DPP10: variants seen among roughly 807,000 people sequenced by gnomAD.
The protein encoded by DPP10 is dipeptidyl peptidase like 10, also known as inactive dipeptidyl peptidase 10.
DPP10 carries 33 observed loss-of-function variants against 120.9 expected under a neutral mutation model. The ratio of observed to expected loss-of-function variants is 0.27; its 90% CI spans 0.21 to 0.37. DPP10 has a LOEUF of 0.37. Among genes scored for constraint, DPP10 ranks in the 10% least tolerant of loss-of-function variants. DPP10 has a pLI of 1.00. For synonymous variants in DPP10, 337 were observed against 326.1 expected, an observed-to-expected ratio of 1.03 and a Z score of -0.36; for missense variants, 816 against 942.8, an observed-to-expected ratio of 0.87 and a Z score of 1.76.
In DPP10 at chr2:115,659,895, T is replaced by G. The variant is rs1450828763; in HGVS notation, c.442-29792T>G. 3.9e-5 allele frequency among the ~76,000 whole-genome samples: 6 copies of G among 152,290 alleles called. No individual in the cohort carries two copies. The East Asian group carries it at 1.2e-3, about 29-fold the overall frequency. On this transcript the variant is annotated intron_variant, in intron 5 of 25. Transcript: ENST00000410059. Reference sequence around the variant, plus strand: ...AAAAGCCATGAGTCATTTTTAAAATTTATCTTTTTTTGTATGCCATCACTT... The same window carrying G: ...AAAAGCCATGAGTCATTTTTAAAATGTATCTTTTTTTGTATGCCATCACTT...
At chr2:115,691,310 A>C (rs902436390) in intron 7 of DPP10, among the ~76,000 whole-genome samples, 23 of 152,162 alleles carry the variant, frequency 1.5e-4, no homozygotes, top group Non-Finnish European at 3.1e-4. Flanking sequence ...AATCTTTACA[A>C]TGAAATCATA....
intron 1 of DPP10, among the ~76,000 whole-genome samples, chr2:114,708,352 C>T (rs1700813064): frequency 1.3e-5 from 2 of 152,268 alleles, no homozygotes; most frequent in African/African-American, 2.4e-5. Context: ...ATGACAAAGC[C>T]TGGGCTATTC....
intron 4 of DPP10, among the ~76,000 whole-genome samples, chr2:115,508,306 C>T (rs1440390158): frequency 6.6e-6 from 1 of 151,800 alleles, no homozygotes; most frequent in Non-Finnish European, 1.5e-5. Context: ...CTTTTTCTGT[C>T]CCAACTACAA....
At position 114,873,643 on chromosome 2, in the gene DPP10, G is replaced by A. The variant is rs1167530732; in HGVS notation, c.60+430805G>A. ...GCTTCTGAATATGAGTCTACGCACTGTGTCCTTCATAGAGAAATGCTGGCT... is the reference window on the plus strand; with the variant it reads ...GCTTCTGAATATGAGTCTACGCACTATGTCCTTCATAGAGAAATGCTGGCT... On this transcript the variant is annotated intron_variant, in intron 1 of 25. Transcript: ENST00000410059. 2.0e-5 allele frequency among the ~76,000 whole-genome samples: 3 copies of A among 152,068 alleles called. No individual in the cohort carries two copies. The South Asian group carries it at 6.2e-4, about 32-fold the overall frequency.
chr2:115,678,850 A>G (rs2090459370), intron 5 of DPP10, among the ~76,000 whole-genome samples: 1 of 152,214 alleles, frequency 6.6e-6, no homozygotes, highest in Non-Finnish European at 1.5e-5. Flanking sequence ...TTGCATCAGC[A>G]TGCCCTGAAT....
chr2:115,041,270 C>T (rs1704623613), intron 1 of DPP10, among the ~76,000 whole-genome samples: 1 of 152,086 alleles, frequency 6.6e-6, no homozygotes, highest in Admixed American at 6.6e-5. Flanking sequence ...AACTAATACA[C>T]CTGGCGAATG....
At chr2:115,164,392 GATATA>G (rs1281594498) in intron 1 of DPP10, among the ~76,000 whole-genome samples, 2 of 151,654 alleles carry the variant, frequency 1.3e-5, no homozygotes, top group East Asian at 1.9e-4. Context: ...TGCAATACTA[GATATA>G]ATATAGCTTC....
intron 4 of DPP10, 65 bp from the exon 5 acceptor site, chr2:115,525,833 A>C (rs1339697665): frequency 8.1e-7 from 1 of 1,241,120 alleles, no homozygotes; most frequent in East Asian, 2.4e-5. Context: ...TTTTTTTTAC[A>C]TTTATACATC....
At chr2:114,532,340 C>A (rs181202536) in intron 1 of DPP10, among the ~76,000 whole-genome samples, 7 of 145,226 alleles carry the variant, frequency 4.8e-5, no homozygotes, top group East Asian at 4.0e-4. Flanking sequence ...ATATATCTCT[C>A]TATATATATG....
At chr2:115,370,743 A>G (rs2065354035) in intron 3 of DPP10, among the ~76,000 whole-genome samples, 1 of 152,096 alleles carries the variant, frequency 6.6e-6, no homozygotes, top group Non-Finnish European at 1.5e-5. Context: ...AGCATGTATC[A>G]GAATCACCTG....
Position 115,153,000 on chromosome 2 carries a change from A to G in DPP10, c.61-156239A>G, listed in dbSNP as rs182505626. 1.5e-3 allele frequency among the ~76,000 whole-genome samples: 227 copies of G among 152,252 alleles called. 2 individuals carry two copies. The highest frequency in any genetic ancestry group is 5.1e-3 in the African/African-American group (213 of 41,558). Reference sequence around the variant, plus strand: ...CTCAAGTACCATGGGAGGGGTGGTTAAGCCAGATGGATGCCTACCCACACA... The same window carrying G: ...CTCAAGTACCATGGGAGGGGTGGTTGAGCCAGATGGATGCCTACCCACACA... On this transcript the variant is annotated intron_variant, in intron 1 of 25. Transcript: ENST00000410059.
At chr2:115,736,695 A>G (rs1442394009) in intron 8 of DPP10, among the ~76,000 whole-genome samples, 1 of 152,158 alleles carries the variant, frequency 6.6e-6, no homozygotes, top group Non-Finnish European at 1.5e-5. Context: ...TTTGTGGCAA[A>G]AAATTCACGT....
rs115354273 is a variant in DPP10 at position 114,898,948 on chromosome 2, T to C, written c.61-410291T>C. Among the ~76,000 whole-genome samples the C allele has an allele frequency of 7.5e-3, 1,143 of 152,280 alleles. 15 individuals carry two copies. The highest frequency in any genetic ancestry group is 0.025 in the African/African-American group (1,056 of 41,552). ...CTCTGAGTCTTTCCTAAATCAATCCTCTGGATGTGGACTAGAATCTTAATA... is the reference window on the plus strand; with the variant it reads ...CTCTGAGTCTTTCCTAAATCAATCCCCTGGATGTGGACTAGAATCTTAATA... On this transcript the variant is annotated intron_variant, in intron 1 of 25. Coordinates refer to ENST00000410059, the MANE Select transcript of DPP10 (RefSeq NM_020868.6).
intron 1 of DPP10, among the ~76,000 whole-genome samples, chr2:115,160,553 C>T (rs1216151508): frequency 6.6e-6 from 1 of 152,170 alleles, no homozygotes; most frequent in East Asian, 1.9e-4. Context: ...TATTCTCTGT[C>T]CTCTCTGCTG....
intron 1 of DPP10, among the ~76,000 whole-genome samples, chr2:114,921,790 C>T (rs1319714846): frequency 2.6e-5 from 4 of 152,272 alleles, no homozygotes; most frequent in South Asian, 2.1e-4. Flanking sequence ...ATCCAAGATA[C>T]CTACCACAAA....
Position 115,643,144 on chromosome 2 carries a change from G to A in DPP10, c.442-46543G>A, listed in dbSNP as rs921754182. ...TGACTCTAGAAATAAAAAAAAAAAT[G>A]CGTAAGAAGAGCAACTGTGACAGCA... On this transcript the variant is annotated intron_variant, in intron 5 of 25. Coordinates refer to ENST00000410059, the MANE Select transcript of DPP10 (RefSeq NM_020868.6). Among the ~76,000 whole-genome samples, 7 of 151,644 alleles carry A rather than the reference G, an allele frequency of 4.6e-5. No homozygotes were observed. The East Asian group carries it at 1.4e-3, about 29-fold the overall frequency.
intron 1 of DPP10, among the ~76,000 whole-genome samples, chr2:115,038,682 A>AGTCTC (rs1413083833): frequency 6.6e-6 from 1 of 152,166 alleles, no homozygotes; most frequent in Non-Finnish European, 1.5e-5. Flanking sequence ...CGTATTGATG[A>AGTCTC]GTCTCCTTAA....
intron 17 of DPP10, 29 bp downstream of exon 17, chr2:115,782,428 A>G: frequency 6.3e-7 from 1 of 1,596,070 alleles, no homozygotes; most frequent in South Asian, 1.1e-5. Flanking sequence ...AATTAAGAAT[A>G]GTTATGGTTG....
chr2:115,342,240 C>A, intron 2 of DPP10: 1 of 434,286 alleles, frequency 2.3e-6, no homozygotes, highest in South Asian at 1.6e-5. Context: ...ACCCTGTCAC[C>A]CAGGCTGGAG....
Sources: gnomAD v4.1 joint callset for allele counts (sites outside exome capture counted in the v4.1 genomes callset) on GRCh38, gnomAD v4.1.1 for gene constraint, MANE v1.5 for transcripts, NCBI Gene and HGNC (gene_info 2026-07-23, HGNC 2026-07-21) for gene names.